Variants in RAPSN observed in about 807,000 individuals in gnomAD.
RAPSN encodes the protein 43 kDa receptor-associated protein of the synapse.
In RAPSN, 33 loss-of-function variants were observed where a neutral mutation model predicts 45.7. That is an observed-to-expected ratio of 0.72 (90% CI 0.55 to 0.97). The LOEUF is 0.97. Among genes scored for constraint, RAPSN ranks in the 50% least tolerant of loss-of-function variants. RAPSN has a pLI of 0.00. For synonymous variants in RAPSN, 244 were observed against 233.6 expected (o/e 1.04, Z -0.40); for missense variants, 519 against 559.4 (o/e 0.93, Z 0.73).
intron 6 of RAPSN, 88 bp downstream of exon 6, chr11:47,441,071 T>C: frequency 6.5e-7 from 1 of 1,534,008 alleles, no homozygotes; most frequent in African/African-American, 1.4e-5. Context: ...GCTCATGACG[T>C]GAGTAGGCTC....
intron 2 of RAPSN, among the ~76,000 whole-genome samples, chr11:47,446,091 G>A (rs1234669275): frequency 3.3e-5 from 5 of 151,634 alleles, no homozygotes; most frequent in Non-Finnish European, 7.4e-5. Flanking sequence ...ACCATGTCTG[G>A]TTCATTTTTA....
intron 1 of RAPSN, 91 bp downstream of exon 1, chr11:47,448,677 CAGGGG>C: frequency 6.6e-7 from 1 of 1,505,648 alleles, no homozygotes; most frequent in Non-Finnish European, 9.0e-7. Flanking sequence ...CTGTGGGACA[CAGGGG>C]AGCCCGAGGA....
In RAPSN at chr11:47,448,111, C is replaced by T. The variant is rs1198989939; in HGVS notation, c.232G>A (p.Asp78Asn). Residue 78 changes from aspartate (D) to asparagine (N), a missense_variant, in exon 2 of 8, where the codon GAT becomes AAT. Asp to Asn is a conservative substitution (Grantham distance 23). Coordinates refer to ENST00000298854, the MANE Select transcript of RAPSN (RefSeq NM_005055.5). ...TAGCTCTCCAGGAGGAAGTCGGCAT[C>T]CTCCAGCTCCCGGGCCGTGTCGATC... Reference protein sequence around the residue: ...VQIDTARELEDADFLLESYLN... With the variant: ...VQIDTARELENADFLLESYLN... 6.2e-7 allele frequency: 1 copy of T among 1,613,586 alleles called. No homozygotes were observed. The highest frequency in any genetic ancestry group is 1.3e-5 in the African/African-American group (1 of 74,996).
intron 5 of RAPSN, 51 bp downstream of exon 5, chr11:47,441,559 CA>C: frequency 6.3e-7 from 1 of 1,599,022 alleles, no homozygotes; most frequent in Non-Finnish European, 8.5e-7. Flanking sequence ...CTACTGGCCC[CA>C]AGTGGGGAGT....
intron 2 of RAPSN, among the ~76,000 whole-genome samples, chr11:47,447,206 G>A (rs941678360): frequency 2.0e-5 from 3 of 152,134 alleles, no homozygotes; most frequent in Admixed American, 6.5e-5. Flanking sequence ...GAGGCCCTCC[G>A]ACCACTATAT....
intron 2 of RAPSN, among the ~76,000 whole-genome samples, chr11:47,443,955 A>AAAAAAAG (rs1204196817): frequency 6.8e-6 from 1 of 147,880 alleles, no homozygotes; most frequent in Admixed American, 6.8e-5. Flanking sequence ...AAAAAAAAAA[A>AAAAAAAG]AAAAGAAAAG....
Position 47,441,591 on chromosome 11 carries a change from T to C in RAPSN, c.912+20A>G, listed in dbSNP as rs763929869. 7.5e-6 allele frequency: 12 copies of C among 1,602,672 alleles called. No homozygotes were observed. The highest frequency in any genetic ancestry group is 1.0e-5 in the Non-Finnish European group (12 of 1,179,558). Reference sequence around the variant, plus strand: ...GGAGTGCTGGGAGGGCTGGAGGCTGTGGGAAAGGCCCGACCTCACCTTGTC... The same window carrying C: ...GGAGTGCTGGGAGGGCTGGAGGCTGCGGGAAAGGCCCGACCTCACCTTGTC... On this transcript the variant is annotated intron_variant, in intron 5 of 7. Coordinates refer to ENST00000298854, the MANE Select transcript of RAPSN (RefSeq NM_005055.5).
At chr11:47,445,593 C>CAAAA (rs61001294) in intron 2 of RAPSN, among the ~76,000 whole-genome samples, 732 of 57,984 alleles carry the variant, frequency 0.013, 40 homozygotes, top group Admixed American at 0.053. Flanking sequence ...GAGACTGTCT[C>CAAAA]AAAAAAAAAA....
At chr11:47,438,711 C>T (rs1468565298) in intron 7 of RAPSN, 21 bp downstream of exon 7, 1 of 1,554,014 alleles carries the variant, frequency 6.4e-7, no homozygotes. Flanking sequence ...CACCCCTGTC[C>T]ACCCCCCCAG....
intron 5 of RAPSN, 25 bp from the exon 6 acceptor site, chr11:47,441,237 C>A: frequency 6.2e-7 from 1 of 1,612,686 alleles, no homozygotes; most frequent in Non-Finnish European, 8.5e-7. Context: ...TAGGCCAGGG[C>A]TGCGGGCAGA....
At position 47,448,892 on chromosome 11, in the gene RAPSN, C is replaced by A. The variant is rs1217675127; in HGVS notation, c.73G>T (p.Ala25Ser). The change falls in exon 1 of 8, where the codon GCA (alanine) becomes TCA (serine). Residue 25 changes from alanine to serine, a missense_variant. By Grantham distance (99) the Ala-to-Ser change is moderately conservative (BLOSUM62 1). Transcript: ENST00000298854. ...AGCACCTTTGTCCACACCTGCAATG[C>A]CTTCTCTGTCTGGTTGGACTGGTAC... is the stretch of plus-strand genomic sequence containing the variant. ...QLYQSNQTEK[A>S]LQVWTKVLEK... 1 of 1,614,244 alleles carries A rather than the reference C, an allele frequency of 6.2e-7. No homozygotes were observed. Among genetic ancestry groups the A allele is most frequent in the Non-Finnish European group, 8.5e-7 (1 of 1,180,046 alleles).
Position 47,438,963 on chromosome 11 carries a change from G to C in RAPSN, c.967-32C>G, listed in dbSNP as rs1324711480. The C allele has an allele frequency of 1.9e-6, 3 of 1,547,126 alleles. No individual in the cohort carries two copies. In the African/African-American group the frequency reaches 4.1e-5, roughly 21 times the overall value. Reference sequence around the variant, plus strand: ...CCCGCAGGAGTGGAGAGCGCCAGTGGGGGATGAGAACAAAGTCAGTGCAGG... The same window carrying C: ...CCCGCAGGAGTGGAGAGCGCCAGTGCGGGATGAGAACAAAGTCAGTGCAGG... On this transcript the variant is annotated intron_variant, in intron 6 of 7. Transcript: ENST00000298854.
chr11:47,440,662 C>A (rs1379920039), intron 6 of RAPSN, among the ~76,000 whole-genome samples: 2 of 152,212 alleles, frequency 1.3e-5, no homozygotes, highest in African/African-American at 4.8e-5. Context: ...GCAGGAGAAT[C>A]ACTTCAACCT....
chr11:47,443,467 C>T (rs995552512), intron 2 of RAPSN, among the ~76,000 whole-genome samples: 2 of 152,190 alleles, frequency 1.3e-5, no homozygotes, highest in African/African-American at 4.8e-5. Flanking sequence ...CCCATCTCCG[C>T]ACCTCTGCTC....
chr11:47,447,707 C>T, intron 2 of RAPSN, 105 bp downstream of exon 2: 1 of 1,305,224 alleles, frequency 7.7e-7, no homozygotes, highest in Non-Finnish European at 1.1e-6. Flanking sequence ...TCTCCTCAGC[C>T]CTCCCTAAAA....
intron 3 of RAPSN, 86 bp from the exon 4 acceptor site, chr11:47,442,007 A>G: frequency 1.5e-6 from 2 of 1,320,848 alleles, no homozygotes; most frequent in Non-Finnish European, 2.1e-6. Context: ...CTGAAGGGAC[A>G]GCCCAGGGAA....
In RAPSN at chr11:47,442,798, A is replaced by G. The variant is rs771006307; in HGVS notation, c.548T>C (p.Leu183Pro). Reference sequence around the variant, plus strand: ...CTCTGCCGCCTTGCAGGGGAAGAACAGGGCTTTCTCGTAGTCCTGCAGGGG... The same window carrying G: ...CTCTGCCGCCTTGCAGGGGAAGAACGGGGCTTTCTCGTAGTCCTGCAGGGG... ...YAQVKDYEKA[L>P]FFPCKAAELV... The change falls in exon 3 of 8, where the codon CTG (leucine) becomes CCG (proline). Residue 183 changes from leucine (L) to proline (P), a missense_variant. Physicochemically the swap from Leu to Pro is moderately conservative, Grantham distance 98. Coordinates refer to ENST00000298854, the MANE Select transcript of RAPSN (RefSeq NM_005055.5). 1 of 1,614,202 alleles carries G rather than the reference A, an allele frequency of 6.2e-7. No individual in the cohort carries two copies.
chr11:47,448,479 A>T (rs147582885), intron 1 of RAPSN, among the ~76,000 whole-genome samples: 37 of 148,986 alleles, frequency 2.5e-4, no homozygotes, highest in South Asian at 4.4e-4. Flanking sequence ...AGAACACCAG[A>T]CAGGAAGGCT....
In RAPSN at chr11:47,448,763, G is replaced by A. The variant is rs1202888760; in HGVS notation, c.192+10C>T. On this transcript the variant is annotated intron_variant, in intron 1 of 7. Coordinates refer to ENST00000298854, the MANE Select transcript of RAPSN (RefSeq NM_005055.5). ...TGACCCTCGAACGCCCCCAGGCCGG[G>A]TACACCCACCTTCAGCATCTCCTTG... 6.2e-7 allele frequency: 1 copy of A among 1,607,458 alleles called. No homozygotes were observed. The highest frequency in any genetic ancestry group is 1.7e-5 in the Admixed American group (1 of 60,018).
Sources: allele counts gnomAD v4.1 joint callset (sites outside exome capture counted in the v4.1 genomes callset), GRCh38; gene constraint gnomAD v4.1.1; transcripts MANE v1.5; gene names NCBI Gene and HGNC (gene_info 2026-07-23, HGNC 2026-07-21).